Variants in PCDHGA7 observed in about 807,000 individuals in gnomAD.
PCDHGA7 encodes the protein protocadherin gamma-A7.
PCDHGA7 carries 44 observed loss-of-function variants against 58.3 expected under a neutral mutation model. That is an observed-to-expected ratio of 0.75 (90% confidence interval 0.59 to 0.97). PCDHGA7 has a LOEUF of 0.97. Ranked by LOEUF, PCDHGA7 falls within the 50% of genes least tolerant of loss-of-function variation. PCDHGA7 has a pLI of 0.00. For missense variants in PCDHGA7, 1,266 were observed against 1,188.7 expected, an observed-to-expected ratio of 1.06 and a Z score of -0.96; for synonymous variants, 516 against 504.2, an observed-to-expected ratio of 1.02 and a Z score of -0.31.
chr5:141,419,569 C>T (rs1200109635), intron 1 of PCDHGA7: 3 of 1,611,654 alleles, frequency 1.9e-6, no homozygotes, highest in East Asian at 2.2e-5. Context: ...TGGGTCCCGA[C>T]GGCTCCGCGC....
rs549051669 is a variant in PCDHGA7, at chr5:141,450,866, C to A, written c.2425-43941C>A. 4.7e-5 allele frequency among the ~76,000 whole-genome samples: 7 copies of A among 149,836 alleles called. No homozygotes were observed. In the East Asian group the frequency reaches 1.4e-3, roughly 29 times the overall value. On this transcript the variant is annotated intron_variant, in intron 1 of 3. Transcript: ENST00000518325. ...TTGAGATGGGGTCTTGCTCTGTCAC[C>A]CAGGCTGGTGTGCAGTGGTGCGATA...
rs763544302 is a variant in PCDHGA7, at chr5:141,385,145, T to C, written c.2246T>C (p.Phe749Ser). The change falls in exon 1 of 4, where the codon TTC (phenylalanine) becomes TCC (serine). Residue 749 changes from phenylalanine (F) to serine (S), a missense_variant. Physicochemically the swap from Phe to Ser is radical, Grantham distance 155 (BLOSUM62 -2). Coordinates refer to ENST00000518325, the MANE Select transcript of PCDHGA7 (RefSeq NM_018920.4). ...GTGGGCATGGACGGGGTGCAGGCTTTCCTGCAGACCTATTCCCATGAGGTC... is the reference window on the plus strand; with the variant it reads ...GTGGGCATGGACGGGGTGCAGGCTTCCCTGCAGACCTATTCCCATGAGGTC... ...HFVGMDGVQAFLQTYSHEVSL... is the reference protein window; with the variant it reads ...HFVGMDGVQASLQTYSHEVSL... 5.6e-6 allele frequency: 9 copies of C among 1,614,106 alleles called. No homozygotes were observed. The highest frequency in any genetic ancestry group is 7.6e-6 in the Non-Finnish European group (9 of 1,180,050).
intron 1 of PCDHGA7, chr5:141,395,360 GT>G: frequency 1.5e-6 from 2 of 1,290,436 alleles, no homozygotes; most frequent in Non-Finnish European, 2.1e-6. Context: ...AGAGTTTTGG[GT>G]TTATTTTGGT....
At chr5:141,447,437 G>A (rs1435222330) in intron 1 of PCDHGA7, among the ~76,000 whole-genome samples, 3 of 152,128 alleles carry the variant, frequency 2.0e-5, no homozygotes, top group Non-Finnish European at 2.9e-5. Context: ...CGCACCCGGA[G>A]GAAATTTTTA....
Position 141,493,554 on chromosome 5 carries a change from G to A in PCDHGA7, c.2425-1253G>A, listed in dbSNP as rs2099748882. The stretch of plus-strand genomic sequence containing the variant: ...GGCCAGTTATCCTTTTGGAGATTGA[G>A]TTCCCCCAGCTCCGTTTCCTCCTAT... On this transcript the variant is annotated intron_variant, in intron 1 of 3. Coordinates refer to ENST00000518325, the MANE Select transcript of PCDHGA7 (RefSeq NM_018920.4). The surrounding 1 kb of genome is among the most constrained non-coding windows in gnomAD (Gnocchi z 4.3). 6.6e-6 allele frequency among the ~76,000 whole-genome samples: 1 copy of A among 152,166 alleles called. No homozygotes were observed. Among genetic ancestry groups the A allele is most frequent in the Admixed American group, 6.5e-5 (1 of 15,282 alleles).
At chr5:141,465,184 A>G (rs866520508) in intron 1 of PCDHGA7, among the ~76,000 whole-genome samples, 2 of 152,130 alleles carry the variant, frequency 1.3e-5, no homozygotes, top group Admixed American at 6.5e-5. Flanking sequence ...ATTTAATTAA[A>G]AGATAAAAAT....
intron 1 of PCDHGA7, chr5:141,413,776 G>A: frequency 6.2e-7 from 1 of 1,613,188 alleles, no homozygotes; most frequent in Non-Finnish European, 8.5e-7. Context: ...GCTGGTACTG[G>A]AGCACTCCCT....
intron 1 of PCDHGA7, chr5:141,419,140 G>A (rs1359933027): frequency 1.2e-6 from 2 of 1,613,750 alleles, no homozygotes; most frequent in East Asian, 2.2e-5. Flanking sequence ...CCACAGACAG[G>A]GGCAAGCCTC....
chr5:141,393,984 C>T (rs1176875822), intron 1 of PCDHGA7: 1 of 1,613,570 alleles, frequency 6.2e-7, no homozygotes, highest in Non-Finnish European at 8.5e-7. Flanking sequence ...TGATAATTTA[C>T]CTTTTAAATT....
chr5:141,481,781 G>A (rs957054361), intron 1 of PCDHGA7, among the ~76,000 whole-genome samples: 3 of 151,998 alleles, frequency 2.0e-5, no homozygotes, highest in Admixed American at 6.6e-5. Context: ...GTGAAACCCC[G>A]TCTCTACTAA....
chr5:141,399,431 T>C (rs757950073), intron 1 of PCDHGA7: 1 of 1,613,970 alleles, frequency 6.2e-7, no homozygotes, highest in Non-Finnish European at 8.5e-7. Flanking sequence ...ATAAGCGTCA[T>C]CCTACATATC....
chr5:141,447,805 G>T (rs1389870133), intron 1 of PCDHGA7, among the ~76,000 whole-genome samples: 2 of 152,064 alleles, frequency 1.3e-5, no homozygotes, highest in African/African-American at 4.8e-5. Context: ...AATAAAATTG[G>T]CTGGGCGTGG....
At chr5:141,464,343 A>T (rs944042669) in intron 1 of PCDHGA7, among the ~76,000 whole-genome samples, 1 of 151,308 alleles carries the variant, frequency 6.6e-6, no homozygotes, top group South Asian at 2.1e-4. Flanking sequence ...ATGACTTGTC[A>T]TTTAGGTAGT....
Position 141,431,682 on chromosome 5 carries a change from A to C in PCDHGA7, c.2424+46359A>C. The C allele has an allele frequency of 1.2e-6, 2 of 1,614,232 alleles. No homozygotes were observed. Among genetic ancestry groups the C allele is most frequent in the Non-Finnish European group, 1.7e-6 (2 of 1,180,042 alleles). ...ACAATATCAACAATAGGGGAGTTGG[A>C]CCACGAGGAGTCAGGATTCTACCAG... On this transcript the variant is annotated intron_variant, in intron 1 of 3. Transcript: ENST00000518325. The surrounding 1 kb of genome is among the most constrained non-coding windows in gnomAD (Gnocchi z 4.8).
At position 141,490,346 on chromosome 5, in the gene PCDHGA7, T is replaced by G. The variant is rs1396321935; in HGVS notation, c.2425-4461T>G. 1.2e-6 allele frequency: 2 copies of G among 1,614,046 alleles called. No individual in the cohort carries two copies. Among genetic ancestry groups the G allele is most frequent in the African/African-American group, 2.7e-5 (2 of 74,900 alleles). ...GAGAGCACACCAGTGGGCACAGTAG[T>G]GGGGTTGTTTAATGTGCGAGACCGG... On this transcript the variant is annotated intron_variant, in intron 1 of 3. Coordinates refer to ENST00000518325, the MANE Select transcript of PCDHGA7 (RefSeq NM_018920.4). This position sits in a 1 kb window ranked among gnomAD's most constrained non-coding sequence, Gnocchi z 5.4.
chr5:141,431,767 T>C lies in PCDHGA7; in HGVS notation c.2424+46444T>C. The C allele has an allele frequency of 1.2e-6, 2 of 1,614,224 alleles. No homozygotes were observed. Among genetic ancestry groups the C allele is most frequent in the Non-Finnish European group, 1.7e-6 (2 of 1,180,034 alleles). ...CTGCGCGAGCCAAAGTCCTGATCAC[T>C]GTTCTGGACGTGAACGACAATGCCC... On this transcript the variant is annotated intron_variant, in intron 1 of 3. Coordinates refer to ENST00000518325, the MANE Select transcript of PCDHGA7 (RefSeq NM_018920.4). This position sits in a 1 kb window ranked among gnomAD's most constrained non-coding sequence, Gnocchi z 4.8.
At chr5:141,401,548 G>T (rs1291544476) in intron 1 of PCDHGA7, among the ~76,000 whole-genome samples, 1 of 152,162 alleles carries the variant, frequency 6.6e-6, no homozygotes, top group Non-Finnish European at 1.5e-5. Context: ...AAAAGGAAAT[G>T]CTATTGCCTG....
At chr5:141,488,236 T>G (rs1333427955) in intron 1 of PCDHGA7, among the ~76,000 whole-genome samples, 2 of 152,154 alleles carry the variant, frequency 1.3e-5, no homozygotes, top group Non-Finnish European at 2.9e-5. Context: ...TTGAACTAGA[T>G]GCGGTAAATT....
At chr5:141,438,631 TATATACAC>T (rs1213304454) in intron 1 of PCDHGA7, among the ~76,000 whole-genome samples, 683 of 43,114 alleles carry the variant, frequency 0.016, 2 homozygotes, top group African/African-American at 0.049. Context: ...TATATATATA[TATATACAC>T]ACACACACAC....
Sources: allele counts gnomAD v4.1 joint callset (sites outside exome capture counted in the v4.1 genomes callset), GRCh38; gene constraint gnomAD v4.1.1; non-coding constraint Gnocchi (gnomAD v3.1); transcripts MANE v1.5; gene names NCBI Gene and HGNC (gene_info 2026-07-23, HGNC 2026-07-21).